The following PSMD14 variants were observed in gnomAD, a reference collection of about 807,000 sequenced individuals.
The protein encoded by PSMD14 is proteasome 26S subunit, non-ATPase 14.
Under a neutral mutation model 41.2 loss-of-function variants are expected in PSMD14, and 7 were observed. That is an observed-to-expected ratio of 0.17 (90% confidence interval 0.10 to 0.32). PSMD14 has a LOEUF of 0.32. Among genes scored for constraint, PSMD14 ranks in the 10% least tolerant of loss-of-function variants. The pLI is 1.00. For synonymous variants in PSMD14, 114 were observed against 122.3 expected, an observed-to-expected ratio of 0.93 and a Z score of 0.45; for missense variants, 139 against 375.6, an observed-to-expected ratio of 0.37 and a Z score of 5.21.
chr2:161,322,598 C>T (rs1013429741), intron 3 of PSMD14, among the ~76,000 whole-genome samples: 1 of 151,792 alleles, frequency 6.6e-6, no homozygotes, highest in African/African-American at 2.4e-5. Flanking sequence ...CCAAGTTGGC[C>T]GGGCTGGTCT....
chr2:161,337,511 G>C (rs1389027541), intron 3 of PSMD14, among the ~76,000 whole-genome samples: 1 of 152,174 alleles, frequency 6.6e-6, no homozygotes, highest in Non-Finnish European at 1.5e-5. Context: ...TTAAACCTCA[G>C]ACTTGGTCTT....
chr2:161,402,322 TATCTGATAAA>T (rs1683891255), intron 10 of PSMD14, among the ~76,000 whole-genome samples: 1 of 152,170 alleles, frequency 6.6e-6, no homozygotes, highest in African/African-American at 2.4e-5. Context: ...GCAAATCAGG[TATCTGATAAA>T]GGTCTAATAT....
intron 11 of PSMD14, among the ~76,000 whole-genome samples, chr2:161,410,197 GC>G (rs1334462006): frequency 2.6e-5 from 4 of 151,876 alleles, no homozygotes; most frequent in Non-Finnish European, 5.9e-5. Flanking sequence ...TTTTTCTCCT[GC>G]CAGTGTTTCT....
intron 3 of PSMD14, among the ~76,000 whole-genome samples, chr2:161,346,057 A>G (rs1683037601): frequency 6.6e-6 from 1 of 151,862 alleles, no homozygotes; most frequent in Non-Finnish European, 1.5e-5. Flanking sequence ...AATTTTTTGT[A>G]TTTTTAGAAG....
chr2:161,380,180 G>A (rs1436759391), intron 7 of PSMD14, among the ~76,000 whole-genome samples: 2 of 151,968 alleles, frequency 1.3e-5, no homozygotes, highest in African/African-American at 2.4e-5. Context: ...TAAATAACTT[G>A]TTAGAGGTCC....
chr2:161,376,430 A>G lies in PSMD14; in HGVS notation c.462+5108A>G, dbSNP rs548591677. 3.3e-5 allele frequency among the ~76,000 whole-genome samples: 5 copies of G among 152,054 alleles called. No homozygotes were observed. The East Asian group carries it at 5.8e-4, about 18-fold the overall frequency. The stretch of plus-strand genomic sequence containing the variant: ...TTCATACTTAAAAGGATCAAGAACT[A>G]GAATATTAAAAAAATAGAATGTGAA... On this transcript the variant is annotated intron_variant, in intron 7 of 11. Coordinates refer to ENST00000409682, the MANE Select transcript of PSMD14 (RefSeq NM_005805.6).
intron 3 of PSMD14, among the ~76,000 whole-genome samples, chr2:161,350,004 T>C (rs539324970): frequency 6.6e-6 from 1 of 152,318 alleles, no homozygotes; most frequent in South Asian, 2.1e-4. Context: ...AAGAGGGAAC[T>C]GGGAATGTCC....
chr2:161,362,792 A>G (rs1455395435), intron 3 of PSMD14, among the ~76,000 whole-genome samples: 2 of 152,220 alleles, frequency 1.3e-5, no homozygotes, highest in Non-Finnish European at 2.9e-5. Context: ...TACTTTATGT[A>G]ATTGAGATTT....
chr2:161,401,778 C>CTTT (rs1553509129), intron 10 of PSMD14, among the ~76,000 whole-genome samples: 1 of 150,950 alleles, frequency 6.6e-6, no homozygotes, highest in Admixed American at 6.6e-5. Context: ...ATGCATTTGA[C>CTTT]ATTATTATTA....
At chr2:161,315,641 G>A (rs895781337) in intron 1 of PSMD14, among the ~76,000 whole-genome samples, 8 of 151,846 alleles carry the variant, frequency 5.3e-5, no homozygotes, top group Admixed American at 5.2e-4. Context: ...TAGTGTTTTT[G>A]GAATAGTTGA....
intron 3 of PSMD14, among the ~76,000 whole-genome samples, chr2:161,361,744 A>T (rs1322827580): frequency 1.3e-5 from 2 of 152,214 alleles, no homozygotes; most frequent in Non-Finnish European, 2.9e-5. Context: ...AGGTGAGTGA[A>T]CCAGTGGCCA....
intron 3 of PSMD14, among the ~76,000 whole-genome samples, chr2:161,366,328 A>G (rs542252795): frequency 1.3e-5 from 2 of 152,142 alleles, no homozygotes; most frequent in South Asian, 2.1e-4. Flanking sequence ...AGAACCTTTT[A>G]TACTTAATGC....
At chr2:161,396,648 G>T (rs1333425067) in intron 10 of PSMD14, among the ~76,000 whole-genome samples, 1 of 152,132 alleles carries the variant, frequency 6.6e-6, no homozygotes, top group Non-Finnish European at 1.5e-5. Flanking sequence ...AGCGGGGTGG[G>T]TTGGGAAGGT....
intron 3 of PSMD14, among the ~76,000 whole-genome samples, chr2:161,343,021 T>C (rs892468925): frequency 6.6e-6 from 1 of 152,182 alleles, no homozygotes; most frequent in Non-Finnish European, 1.5e-5. Flanking sequence ...AAATCCATGA[T>C]TTATGTTCAT....
At chr2:161,309,804 G>T (rs868666584) in intron 1 of PSMD14, among the ~76,000 whole-genome samples, 3 of 152,082 alleles carry the variant, frequency 2.0e-5, no homozygotes, top group Admixed American at 2.0e-4. Flanking sequence ...TTGACTTTGG[G>T]AGTTTTTGGT....
intron 7 of PSMD14, chr2:161,382,711 G>A (rs989766438): frequency 1.3e-5 from 2 of 151,712 alleles, no homozygotes; most frequent in Admixed American, 6.6e-5. Context: ...AGAGGTTTTC[G>A]TTATTATATA....
At chr2:161,391,281 G>C in intron 9 of PSMD14, 103 bp downstream of exon 9, 1 of 1,166,378 alleles carries the variant, frequency 8.6e-7, no homozygotes, top group Non-Finnish European at 1.1e-6. Flanking sequence ...ACCTCTTTCA[G>C]TGTTTCCAAA....
At chr2:161,353,052 T>G (rs1458437965) in intron 3 of PSMD14, among the ~76,000 whole-genome samples, 3 of 152,200 alleles carry the variant, frequency 2.0e-5, no homozygotes, top group Non-Finnish European at 4.4e-5. Context: ...TAAAAGAATA[T>G]TTTGTTCTGA....
Position 161,391,129 on chromosome 2 carries a change from A to G in PSMD14, c.596A>G (p.His199Arg). 6.5e-7 allele frequency: 1 copy of G among 1,537,156 alleles called. No individual in the cohort carries two copies. The highest frequency in any genetic ancestry group is 8.8e-7 in the Non-Finnish European group (1 of 1,139,906). Residue 199 changes from histidine to arginine, a missense_variant, in exon 9 of 12, where the codon CAT (histidine) becomes CGT (arginine). Around this residue, in one of 4 missense-constraint regions of PSMD14, gnomAD observed 80 missense variants for 138.1 expected, o/e 0.58. Coordinates refer to ENST00000409682, the MANE Select transcript of PSMD14 (RefSeq NM_005805.6). ...IQALIHGLNR[H>R]YYSITINYRK... The stretch of plus-strand genomic sequence containing the variant: ...GCATTAATTCATGGACTAAACAGAC[A>G]TTATTACTCCATTACTATTAACTAT...
Sources: gnomAD v4.1 joint callset for allele counts (sites outside exome capture counted in the v4.1 genomes callset) on GRCh38, gnomAD v4.1.1 for gene constraint, gnomAD v4.1.1 regional missense constraint, MANE v1.5 for transcripts, NCBI Gene and HGNC (gene_info 2026-07-23, HGNC 2026-07-21) for gene names.